MCMDC2: variants seen among roughly 807,000 people sequenced by gnomAD.
MCMDC2 encodes the protein minichromosome maintenance domain containing 2, also known as minichromosome maintenance domain-containing protein 2.
MCMDC2 carries 54 observed loss-of-function variants against 75.8 expected under a neutral mutation model. That is an observed-to-expected ratio of 0.71 (90% CI 0.57 to 0.89). The LOEUF (loss-of-function observed/expected upper bound fraction) is 0.89. MCMDC2 is among the 40% of genes least tolerant of loss of function. The pLI, the probability that MCMDC2 is intolerant of heterozygous loss-of-function variation, is 0.00. For synonymous variants in MCMDC2, 249 were observed against 274.6 expected (o/e 0.91, Z 0.92); for missense variants, 656 against 780.4 (o/e 0.84, Z 1.90).
At chr8:66,916,867 G>A (rs900721397) in intron 14 of MCMDC2, among the ~76,000 whole-genome samples, 3 of 152,144 alleles carry the variant, frequency 2.0e-5, no homozygotes, top group Admixed American at 6.6e-5. Context: ...TATGGCTGAG[G>A]CGGAAGGGAA....
In MCMDC2 at chr8:66,919,833, C is replaced by T. The variant is rs1417318648; in HGVS notation, c.*664C>T. 2 of 152,100 alleles carry T rather than the reference C, an allele frequency of 1.3e-5. No homozygotes were observed. The highest frequency in any genetic ancestry group is 2.9e-5 in the Non-Finnish European group (2 of 68,026). The allele number at this position is 152,100 out of a possible 1,614,324, so 9.4% of individuals were successfully genotyped here. On this transcript the variant is annotated 3_prime_UTR_variant, in exon 15 of 15. Coordinates refer to ENST00000422365, the MANE Select transcript of MCMDC2 (RefSeq NM_173518.5). Reference sequence around the variant, plus strand: ...ATAACTTATAAATTGGCTCTCTAACCCTAACTGGTTACAAGAAAGGCTCCA... The same window carrying T: ...ATAACTTATAAATTGGCTCTCTAACTCTAACTGGTTACAAGAAAGGCTCCA...
chr8:66,903,997 G>T (rs991183441), intron 13 of MCMDC2, among the ~76,000 whole-genome samples: 1 of 152,052 alleles, frequency 6.6e-6, no homozygotes, highest in South Asian at 2.1e-4. Flanking sequence ...ATGAGAAAAT[G>T]GTAATGTGGC....
downstream of MCMDC2, among the ~76,000 whole-genome samples, chr8:66,924,080 T>C (rs1049122170): frequency 6.6e-6 from 1 of 152,136 alleles, no homozygotes; most frequent in Non-Finnish European, 1.5e-5. Context: ...TTTTGTATTA[T>C]GCTTCAGAAC....
At chr8:66,902,278 C>A (rs1812701227) in intron 13 of MCMDC2, among the ~76,000 whole-genome samples, 1 of 152,036 alleles carries the variant, frequency 6.6e-6, no homozygotes, top group African/African-American at 2.4e-5. Context: ...GTAGTCCCAG[C>A]TACTCAGGAA....
chr8:66,914,931 G>A (rs1346931386), intron 14 of MCMDC2, among the ~76,000 whole-genome samples: 1 of 152,168 alleles, frequency 6.6e-6, no homozygotes, highest in Non-Finnish European at 1.5e-5. Flanking sequence ...AAACTCCCAT[G>A]TTTCTGCCTT....
downstream of MCMDC2, among the ~76,000 whole-genome samples, chr8:66,925,964 G>A (rs1028079320): frequency 1.3e-5 from 2 of 152,098 alleles, no homozygotes; most frequent in African/African-American, 4.8e-5. Context: ...TGGCCAACAT[G>A]GTGAAACCCC....
intron 7 of MCMDC2, among the ~76,000 whole-genome samples, chr8:66,879,284 TAAC>T (rs1340896161): frequency 6.7e-6 from 1 of 149,658 alleles, no homozygotes; most frequent in Non-Finnish European, 1.5e-5. Flanking sequence ...AAAATAATAA[TAAC>T]AACAAAATAA....
At chr8:66,900,366 A>C (rs1395019841) in intron 12 of MCMDC2, among the ~76,000 whole-genome samples, 1 of 152,114 alleles carries the variant, frequency 6.6e-6, no homozygotes. Flanking sequence ...TGAACCCCAG[A>C]GGCTGAGGTT....
At chr8:66,884,419 A>G (rs1214480033) in intron 9 of MCMDC2, 1 of 169,906 alleles carries the variant, frequency 5.9e-6, no homozygotes, top group Non-Finnish European at 1.2e-5. Flanking sequence ...TCTGGGGGGA[A>G]CATCATCCTA....
chr8:66,913,962 TAAAAA>T (rs961586876), intron 14 of MCMDC2, among the ~76,000 whole-genome samples: 1 of 78,600 alleles, frequency 1.3e-5, no homozygotes, highest in Non-Finnish European at 2.4e-5. Flanking sequence ...AGACTCTGTC[TAAAAA>T]AAAAAAAAAA....
At position 66,919,802 on chromosome 8, in the gene MCMDC2, G is replaced by A. The variant is rs915621105; in HGVS notation, c.*633G>A. The A allele has an allele frequency of 2.0e-5, 3 of 152,064 alleles. No individual in the cohort carries two copies. Among genetic ancestry groups the A allele is most frequent in the African/African-American group, 7.2e-5 (3 of 41,388 alleles). 9.4% of individuals were successfully genotyped at this position (152,064 alleles called of 1,614,324 possible). ...AAAAAATACTTTACACGGAAACAAG[G>A]AGCCAATAACTTATAAATTGGCTCT... On this transcript the variant is annotated 3_prime_UTR_variant, in exon 15 of 15. Transcript: ENST00000422365.
At chr8:66,908,461 A>G (rs929342704) in intron 14 of MCMDC2, among the ~76,000 whole-genome samples, 1 of 152,220 alleles carries the variant, frequency 6.6e-6, no homozygotes, top group Admixed American at 6.5e-5. Flanking sequence ...ATGTGCTGTA[A>G]AGAAAAAATT....
At position 66,905,299 on chromosome 8, in the gene MCMDC2, G is replaced by T; in HGVS notation, c.1843G>T (p.Ala615Ser). ...KVLKEDVLIA[A>S]LLFETSLTLK... ...GCTTAAAGAAGATGTGCTGATTGCA[G>T]CCTTACTATTTGAAACATCCCTCAC... The change falls in exon 14 of 15, where the codon GCC becomes TCC. Residue 615 changes from alanine to serine, a missense_variant. Ala to Ser is a moderately conservative substitution (Grantham distance 99). Coordinates refer to ENST00000422365, the MANE Select transcript of MCMDC2 (RefSeq NM_173518.5). The T allele has an allele frequency of 1.3e-6, 2 of 1,487,916 alleles. No individual in the cohort carries two copies. Among genetic ancestry groups the T allele is most frequent in the African/African-American group, 1.4e-5 (1 of 71,112 alleles). The allele number at this position is 1,487,916 out of a possible 1,614,324, so 92.2% of individuals were successfully genotyped here. A position where few individuals can be genotyped will look rare whatever the true frequency, so the allele number is the denominator to read the frequency against.
chr8:66,890,753 A>G (rs923409575), intron 9 of MCMDC2, 112 bp from the exon 10 acceptor site: 1 of 888,752 alleles, frequency 1.1e-6, no homozygotes, highest in African/African-American at 1.7e-5. Context: ...TCCCTAGCAC[A>G]ATAGCTGGTG....
At position 66,905,305 on chromosome 8, in the gene MCMDC2, C is replaced by G; in HGVS notation, c.1849C>G (p.Leu617Val). Residue 617 changes from leucine (L) to valine (V), a missense_variant, in exon 14 of 15, where the codon CTA becomes GTA. By Grantham distance (32) the Leu-to-Val change is conservative. Coordinates refer to ENST00000422365, the MANE Select transcript of MCMDC2 (RefSeq NM_173518.5). ...AGAAGATGTGCTGATTGCAGCCTTACTATTTGAAACATCCCTCACATTGAA... is the reference window on the plus strand; with the variant it reads ...AGAAGATGTGCTGATTGCAGCCTTAGTATTTGAAACATCCCTCACATTGAA... ...LKEDVLIAAL[L>V]FETSLTLKYG... is the part of the protein sequence containing the mutation. The G allele has an allele frequency of 6.7e-7, 1 of 1,484,436 alleles. No homozygotes were observed. The highest frequency in any genetic ancestry group is 9.0e-7 in the Non-Finnish European group (1 of 1,112,792). The allele number at this position is 1,484,436 out of a possible 1,614,324, so 92.0% of individuals were successfully genotyped here.
At chr8:66,899,854 G>A (rs1812557603) in intron 12 of MCMDC2, among the ~76,000 whole-genome samples, 1 of 149,708 alleles carries the variant, frequency 6.7e-6, no homozygotes, top group African/African-American at 2.4e-5. Flanking sequence ...GGGCCTAGTG[G>A]CTCACGCCTG....
rs762293691 is a variant in MCMDC2, at chr8:66,901,308, G to A, written c.1729G>A (p.Val577Ile). The A allele has an allele frequency of 6.2e-7, 1 of 1,613,498 alleles. No individual in the cohort carries two copies. Among genetic ancestry groups the A allele is most frequent in the South Asian group, 1.1e-5 (1 of 90,842 alleles). ...LASRRIRTGS[V>I]CGSKLSASAL... ...AAGTCGCAGAATCAGAACAGGCTCT[G>A]TATGTGGATCAAAGCTGTCAGCATC... Residue 577 changes from valine to isoleucine, a missense_variant, in exon 13 of 15, where the codon GTA becomes ATA. Val to Ile is a conservative substitution (Grantham distance 29). Transcript: ENST00000422365.
intron 14 of MCMDC2, among the ~76,000 whole-genome samples, chr8:66,918,791 A>G (rs72654919): frequency 3.2e-4 from 49 of 152,312 alleles, no homozygotes; most frequent in Non-Finnish European, 6.0e-4. Flanking sequence ...TCTGGGTTTC[A>G]GAAAACAAGA....
downstream of MCMDC2, among the ~76,000 whole-genome samples, chr8:66,923,539 TCA>T (rs1305006308): frequency 6.6e-6 from 1 of 152,146 alleles, no homozygotes; most frequent in East Asian, 1.9e-4. Flanking sequence ...AAAAAAAGTT[TCA>T]GTTTAATATT....
Sources: gnomAD v4.1 joint callset for allele counts (sites outside exome capture counted in the v4.1 genomes callset) on GRCh38, gnomAD v4.1.1 for gene constraint, MANE v1.5 for transcripts, NCBI Gene and HGNC (gene_info 2026-07-23, HGNC 2026-07-21) for gene names.